Variants in ADRA1A observed in about 807,000 individuals in gnomAD.
ADRA1A encodes alpha-1A adrenergic receptor.
A neutral mutation model predicts 29.6 loss-of-function variants in ADRA1A; 31 were observed. The ratio of observed to expected loss-of-function variants is 1.05; its 90% CI spans 0.79 to 1.41. ADRA1A has a LOEUF of 1.41. Among genes scored for constraint, ADRA1A ranks in the 40% most tolerant of loss-of-function variants. The probability of loss-of-function intolerance (pLI) is 0.00; values close to 1 mark genes in which losing one functional copy is unlikely to be tolerated. For missense variants in ADRA1A, 619 were observed against 601.1 expected, an observed-to-expected ratio of 1.03 and a Z score of -0.31; for synonymous variants, 311 against 254.3, an observed-to-expected ratio of 1.22 and a Z score of -2.12.
chr8:26,822,086 C>T (rs944026096), intron 2 of ADRA1A, among the ~76,000 whole-genome samples: 1 of 152,200 alleles, frequency 6.6e-6, no homozygotes, highest in Non-Finnish European at 1.5e-5. Context: ...CATAAATTTT[C>T]ATCTCTCTAG....
rs779688523 is a variant in ADRA1A, at chr8:26,864,343, C to G, written c.627G>C (p.Val209=). Residue 209 remains valine, a synonymous_variant, in exon 2 of 3, where the codon GTG becomes GTC. Transcript: ENST00000380573. This position sits in a 1 kb window ranked among gnomAD's most constrained non-coding sequence, Gnocchi z 8.1. ...IILVMYCRVY[V]VAKRESRGLK... ...GGCCCCGGCTCTCCCTCTTGGCCAC[C>G]ACGTAGACGCGGCAGTACATGACCA... The G allele has an allele frequency of 3.1e-6, 5 of 1,614,058 alleles. No homozygotes were observed. In the South Asian group the frequency reaches 4.4e-5, roughly 14 times the overall value.
chr8:26,819,582 T>C (rs1810012000), intron 2 of ADRA1A, among the ~76,000 whole-genome samples: 1 of 152,120 alleles, frequency 6.6e-6, no homozygotes, highest in Admixed American at 6.5e-5. Flanking sequence ...AGATGTTTGA[T>C]GTAAGCTTCA....
At chr8:26,778,263 T>C (rs1416359494) in intron 2 of ADRA1A, among the ~76,000 whole-genome samples, 2 of 152,176 alleles carry the variant, frequency 1.3e-5, no homozygotes, top group East Asian at 3.9e-4. Context: ...CATGTAGACA[T>C]TTCTCCCTAG....
intron 2 of ADRA1A, among the ~76,000 whole-genome samples, chr8:26,855,217 A>ATGTGTGTG (rs56268237): frequency 0.5 from 66,843 of 133,122 alleles, 15,474 homozygotes; most frequent in East Asian, 0.84. Flanking sequence ...GTGTGCATGC[A>ATGTGTGTG]TGTGTGTGTG....
In ADRA1A at chr8:26,851,767, T is replaced by C. The variant is rs541351426; in HGVS notation, c.883+12320A>G. Among the ~76,000 whole-genome samples, 3 of 152,196 alleles carry C rather than the reference T, an allele frequency of 2.0e-5. No homozygotes were observed. In the East Asian group the frequency reaches 5.8e-4, roughly 29 times the overall value. ...ATAAACATATATAAAGCAAAACTTGTTAAAAATGTAAGAAATAGTGGGAAG... is the reference window on the plus strand; with the variant it reads ...ATAAACATATATAAAGCAAAACTTGCTAAAAATGTAAGAAATAGTGGGAAG... On this transcript the variant is annotated intron_variant, in intron 2 of 2. Transcript: ENST00000380573.
In ADRA1A at chr8:26,825,788, T is replaced by C. The variant is rs921614104; in HGVS notation, c.883+38299A>G. On this transcript the variant is annotated intron_variant, in intron 2 of 2. Transcript: ENST00000380573. The surrounding 1 kb of genome is among the most constrained non-coding windows in gnomAD (Gnocchi z 5.7). ...AGTCTCCCTTGTATCCTGCGGGCAT[T>C]CTGGTTCGATACTAGGCACAGTGTT... Among the ~76,000 whole-genome samples the C allele has an allele frequency of 2.0e-5, 3 of 152,230 alleles. No homozygotes were observed. Among genetic ancestry groups the C allele is most frequent in the African/African-American group, 7.2e-5 (3 of 41,464 alleles).
chr8:26,800,311 A>C (rs1317522038), intron 2 of ADRA1A, among the ~76,000 whole-genome samples: 1 of 152,152 alleles, frequency 6.6e-6, no homozygotes, highest in Non-Finnish European at 1.5e-5. Context: ...ATTAGCATTA[A>C]AGACAGACTA....
At chr8:26,849,941 TAAGTA>T (rs889355697) in intron 2 of ADRA1A, among the ~76,000 whole-genome samples, 2 of 138,530 alleles carry the variant, frequency 1.4e-5, no homozygotes, top group African/African-American at 5.4e-5. Flanking sequence ...AAAAACCAAA[TAAGTA>T]AAGTGGAACA....
exon 3 of ADRA1A, chr8:26,756,496 G>C: frequency 3.3e-6 from 5 of 1,513,130 alleles, no homozygotes; most frequent in Non-Finnish European, 4.4e-6. Flanking sequence ...CGAGCTATTT[G>C]TCCCTGAAGG....
intron 2 of ADRA1A, among the ~76,000 whole-genome samples, chr8:26,789,863 T>C (rs1807688378): frequency 6.6e-6 from 1 of 152,076 alleles, no homozygotes; most frequent in South Asian, 2.1e-4. Context: ...TATAAAAATA[T>C]CACGAATCAT....
At chr8:26,816,388 C>G (rs1585750550) in intron 2 of ADRA1A, among the ~76,000 whole-genome samples, 2 of 152,210 alleles carry the variant, frequency 1.3e-5, no homozygotes, top group African/African-American at 4.8e-5. Flanking sequence ...GGATGCAGTG[C>G]CTGCCAAGGA....
chr8:26,769,562 A>G lies in ADRA1A; in HGVS notation c.*587T>C, dbSNP rs17055965. On this transcript the variant is annotated 3_prime_UTR_variant, in exon 3 of 3. Transcript: ENST00000380573. ...AGCAGCATCCATTCAAAGTGCAGTC[A>G]AAGGTAAACCTCACTGCCAAGTTTC... 0.068 allele frequency: 66,609 copies of G among 985,472 alleles called. 2,348 individuals carry two copies. The highest frequency in any genetic ancestry group is 0.086 in the Middle Eastern group (164 of 1,914). 61.0% of individuals were successfully genotyped at this position (985,472 alleles called of 1,614,324 possible). A position where few individuals can be genotyped will look rare whatever the true frequency, so the allele number is the denominator to read the frequency against.
chr8:26,758,574 A>G (rs1419701480), intron 2 of ADRA1A, among the ~76,000 whole-genome samples: 2 of 152,172 alleles, frequency 1.3e-5, no homozygotes, highest in Non-Finnish European at 2.9e-5. Flanking sequence ...ATGGCTCAAG[A>G]GAGGTCACGT....
intron 2 of ADRA1A, among the ~76,000 whole-genome samples, chr8:26,757,276 T>A (rs1805224642): frequency 6.6e-6 from 1 of 152,130 alleles, no homozygotes; most frequent in Non-Finnish European, 1.5e-5. Context: ...CCTGCCAAAT[T>A]CAGCCTCCGA....
chr8:26,755,331 C>G (rs1805112038), downstream of ADRA1A, among the ~76,000 whole-genome samples: 1 of 152,058 alleles, frequency 6.6e-6, no homozygotes, highest in Non-Finnish European at 1.5e-5. Flanking sequence ...GTCAGGAAAG[C>G]CTTGGACTCA....
rs56268237 is a variant in ADRA1A, at chr8:26,855,217, ATGTG to A, written c.883+8866_883+8869del. 8.2e-5 allele frequency among the ~76,000 whole-genome samples: 11 copies of A among 133,336 alleles called. No individual in the cohort carries two copies. In the East Asian group the frequency reaches 2.2e-3, roughly 26 times the overall value. The allele number at this position is 133,336 out of a possible 152,430, so 87.5% of individuals were successfully genotyped here. A position where few individuals can be genotyped will look rare whatever the true frequency, so the allele number is the denominator to read the frequency against. ...TTTAACTAAAAGTGTGTGTGCATGCATGTGTGTGTGTGTGTGCATGTGAGTGCAT... is the reference window on the plus strand; with the variant it reads ...TTTAACTAAAAGTGTGTGTGCATGCATGTGTGTGTGTGCATGTGAGTGCAT... On this transcript the variant is annotated intron_variant, in intron 2 of 2. Transcript: ENST00000380573.
In ADRA1A at chr8:26,769,402, A is replaced by G. The variant is rs1374272793; in HGVS notation, c.*747T>C. 4 of 985,302 alleles carry G rather than the reference A, an allele frequency of 4.1e-6. No homozygotes were observed. In the East Asian group the frequency reaches 3.4e-4, roughly 84 times the overall value. 61.0% of individuals were successfully genotyped at this position (985,302 alleles called of 1,614,324 possible). A position where few individuals can be genotyped will look rare whatever the true frequency, so the allele number is the denominator to read the frequency against. Reference sequence around the variant, plus strand: ...TAGTTAAATTGAAAGAATGATGCTCAGGTCTATTGTTTTCTCTTGGGAAAA... The same window carrying G: ...TAGTTAAATTGAAAGAATGATGCTCGGGTCTATTGTTTTCTCTTGGGAAAA... On this transcript the variant is annotated 3_prime_UTR_variant, in exon 3 of 3. Coordinates refer to ENST00000380573, the MANE Select transcript of ADRA1A (RefSeq NM_000680.4).
chr8:26,862,261 G>T (rs767849134), intron 2 of ADRA1A, among the ~76,000 whole-genome samples: 4 of 152,094 alleles, frequency 2.6e-5, no homozygotes, highest in Non-Finnish European at 4.4e-5. Flanking sequence ...CCCAGATCTT[G>T]CAAGCTTTGC....
intron 2 of ADRA1A, chr8:26,854,099 C>G (rs1031640411): frequency 6.6e-6 from 1 of 152,128 alleles, no homozygotes; most frequent in African/African-American, 2.4e-5. Flanking sequence ...GGAGTGTCCC[C>G]TTTAGCCAGA....
Sources: gnomAD v4.1 joint callset for allele counts (sites outside exome capture counted in the v4.1 genomes callset) on GRCh38, gnomAD v4.1.1 for gene constraint, Gnocchi (gnomAD v3.1) non-coding constraint, MANE v1.5 for transcripts, NCBI Gene and HGNC (gene_info 2026-07-23, HGNC 2026-07-21) for gene names.